MSRA: variants seen among roughly 807,000 people sequenced by gnomAD.
MSRA encodes the protein methionine sulfoxide reductase A.
MSRA carries 54 observed loss-of-function variants against 31.3 expected under a neutral mutation model. The ratio of observed to expected loss-of-function variants is 1.73; its 90% CI spans 1.39 to 2.17. The LOEUF is 2.17. Among genes scored for constraint, MSRA ranks in the 30% most tolerant of loss-of-function variants. The pLI is 0.00. For synonymous variants in MSRA, 169 were observed against 116.5 expected (o/e 1.45, Z -2.90); for missense variants, 507 against 300.9 (o/e 1.69, Z -5.07).
At chr8:10,117,685 TC>T (rs1800784012) in intron 1 of MSRA, among the ~76,000 whole-genome samples, 1 of 152,216 alleles carries the variant, frequency 6.6e-6, no homozygotes. Context: ...TACTGAAAGA[TC>T]AAGCAAATAC....
chr8:10,123,375 G>C (rs1471074746), intron 1 of MSRA, among the ~76,000 whole-genome samples: 2 of 152,094 alleles, frequency 1.3e-5, no homozygotes, highest in African/African-American at 4.8e-5. Flanking sequence ...ATGGGGTTTT[G>C]TTTTTTCTTA....
At chr8:10,062,518 T>C (rs931316926) in intron 1 of MSRA, among the ~76,000 whole-genome samples, 2 of 152,192 alleles carry the variant, frequency 1.3e-5, no homozygotes, top group African/African-American at 4.8e-5. Context: ...GATAAATACT[T>C]GTTGAAAGAC....
At chr8:10,396,507 G>A (rs1807106702) in intron 5 of MSRA, among the ~76,000 whole-genome samples, 1 of 152,154 alleles carries the variant, frequency 6.6e-6, no homozygotes, top group African/African-American at 2.4e-5. Context: ...CTGAGAACTT[G>A]GATTGTGATC....
rs557678206 is a variant in MSRA, at chr8:10,403,158, C to G, written c.544-24990C>G. ...ACAGATTAAAATGTCCCAGGGCTGG[C>G]TTGGAGAAGGCCCTCCAAATGCACC... On this transcript the variant is annotated intron_variant, in intron 5 of 5. Coordinates refer to ENST00000317173, the MANE Select transcript of MSRA (RefSeq NM_012331.5). Among the ~76,000 whole-genome samples the G allele has an allele frequency of 1.4e-4, 21 of 152,320 alleles. No homozygotes were observed. The East Asian group carries it at 4.0e-3, about 29-fold the overall frequency.
intron 2 of MSRA, among the ~76,000 whole-genome samples, chr8:10,228,797 C>T (rs1811217347): frequency 6.6e-6 from 1 of 152,192 alleles, no homozygotes; most frequent in Admixed American, 6.5e-5. Context: ...GTAGGGTTAT[C>T]ACCGGATTCC....
intron 1 of MSRA, among the ~76,000 whole-genome samples, chr8:10,152,722 C>G (rs780816102): frequency 6.6e-6 from 1 of 152,224 alleles, no homozygotes; most frequent in Non-Finnish European, 1.5e-5. Flanking sequence ...ACGCACACTT[C>G]ATGTTCACAG....
chr8:10,117,383 G>C (rs1451299770), intron 1 of MSRA, among the ~76,000 whole-genome samples: 1 of 152,200 alleles, frequency 6.6e-6, no homozygotes, highest in Non-Finnish European at 1.5e-5. Flanking sequence ...CCTAGACTGG[G>C]TCTGCCAGGT....
chr8:10,383,746 A>AAACTGTAGGGTGCTTTG (rs1806217055), intron 5 of MSRA, among the ~76,000 whole-genome samples: 1 of 152,206 alleles, frequency 6.6e-6, no homozygotes, highest in South Asian at 2.1e-4. Context: ...CCAGTGCTGC[A>AAACTGTAGGGTGCTTTG]TTGGGAAACT....
chr8:10,194,584 C>T (rs984103831), intron 1 of MSRA, among the ~76,000 whole-genome samples: 1 of 152,146 alleles, frequency 6.6e-6, no homozygotes, highest in Non-Finnish European at 1.5e-5. Context: ...AAACAATTAA[C>T]ATATTACTCT....
At chr8:10,287,683 C>T (rs1260080153) in intron 3 of MSRA, among the ~76,000 whole-genome samples, 2 of 152,158 alleles carry the variant, frequency 1.3e-5, no homozygotes, top group South Asian at 2.1e-4. Context: ...GTTAAAATAA[C>T]GACAGGCAAA....
At chr8:10,208,743 C>A (rs1289445233) in intron 2 of MSRA, among the ~76,000 whole-genome samples, 1 of 152,184 alleles carries the variant, frequency 6.6e-6, no homozygotes, top group African/African-American at 2.4e-5. Flanking sequence ...CCTTCACCTC[C>A]ACGTTTAGAC....
intron 1 of MSRA, among the ~76,000 whole-genome samples, chr8:10,112,100 T>G (rs999402702): frequency 1.3e-5 from 2 of 152,214 alleles, no homozygotes; most frequent in Non-Finnish European, 2.9e-5. Flanking sequence ...TCTCTAATTT[T>G]GTAGTCACCT....
intron 2 of MSRA, among the ~76,000 whole-genome samples, chr8:10,231,756 A>G (rs147873930): frequency 1.8e-4 from 28 of 152,166 alleles, no homozygotes; most frequent in African/African-American, 5.8e-4. Context: ...TACAAAAATT[A>G]GCCGGGCGTG....
At chr8:10,181,395 A>G (rs1806524193) in intron 1 of MSRA, among the ~76,000 whole-genome samples, 1 of 151,858 alleles carries the variant, frequency 6.6e-6, no homozygotes, top group Non-Finnish European at 1.5e-5. Flanking sequence ...CGTGCAGTAT[A>G]GCTTGTGCAC....
intron 5 of MSRA, among the ~76,000 whole-genome samples, chr8:10,402,622 G>A (rs1027808661): frequency 6.6e-6 from 1 of 152,224 alleles, no homozygotes; most frequent in South Asian, 2.1e-4. Flanking sequence ...GAGAGGGATA[G>A]GGAGAGGTGA....
At chr8:10,133,950 C>T (rs1802082174) in intron 1 of MSRA, among the ~76,000 whole-genome samples, 2 of 152,230 alleles carry the variant, frequency 1.3e-5, no homozygotes, top group South Asian at 4.2e-4. Flanking sequence ...CGTTTCTCAG[C>T]CTCCTGAGTA....
chr8:10,113,521 A>G (rs1221962627), intron 1 of MSRA, among the ~76,000 whole-genome samples: 2 of 150,928 alleles, frequency 1.3e-5, no homozygotes, highest in Non-Finnish European at 3.0e-5. Context: ...ATGTTGGGGA[A>G]GTTTTCTTCT....
chr8:10,264,792 T>G (rs1798661193), intron 3 of MSRA, among the ~76,000 whole-genome samples: 1 of 152,162 alleles, frequency 6.6e-6, no homozygotes, highest in African/African-American at 2.4e-5. Flanking sequence ...GGAACTAACT[T>G]GAGAGCCCAA....
rs540184643 is a variant in MSRA, at chr8:10,372,435, C to G, written c.543+52446C>G. On this transcript the variant is annotated intron_variant, in intron 5 of 5. Coordinates refer to ENST00000317173, the MANE Select transcript of MSRA (RefSeq NM_012331.5). ...TTATAAAATGCTCGTGCATATATGACTTTATTTTATTTCCATTCAGTAATG... is the reference window on the plus strand; with the variant it reads ...TTATAAAATGCTCGTGCATATATGAGTTTATTTTATTTCCATTCAGTAATG... Among the ~76,000 whole-genome samples the G allele has an allele frequency of 4.5e-4, 69 of 152,310 alleles. 1 individual carries two copies. The South Asian group carries it at 0.014, about 31-fold the overall frequency.
Sources: gnomAD v4.1 joint callset for allele counts (sites outside exome capture counted in the v4.1 genomes callset) on GRCh38, gnomAD v4.1.1 for gene constraint, MANE v1.5 for transcripts, NCBI Gene and HGNC (gene_info 2026-07-23, HGNC 2026-07-21) for gene names.